Variants in UGT2A1 observed in about 807,000 individuals in gnomAD.
UGT2A1 encodes the protein UDP-glucuronosyltransferase 2A1.
UGT2A1 carries 61 observed loss-of-function variants against 45.4 expected under a neutral mutation model. That is an observed-to-expected ratio of 1.34 (90% CI 1.09 to 1.66). The LOEUF (loss-of-function observed/expected upper bound fraction) is 1.66. UGT2A1 is among the 40% of genes most tolerant of loss of function. The pLI, the probability that UGT2A1 is intolerant of heterozygous loss-of-function variation, is 0.00. For synonymous variants in UGT2A1, 229 were observed against 196.2 expected (o/e 1.17, Z -1.40); for missense variants, 649 against 574.3 (o/e 1.13, Z -1.33).
chr4:69,648,198 T>G (rs1307178928), intron 1 of UGT2A1, among the ~76,000 whole-genome samples: 4 of 149,514 alleles, frequency 2.7e-5, no homozygotes, highest in African/African-American at 4.9e-5. Flanking sequence ...TAAATATTTA[T>G]AAATTCAAAT....
chr4:69,638,611 A>G (rs1721855760), intron 2 of UGT2A1, among the ~76,000 whole-genome samples: 1 of 152,162 alleles, frequency 6.6e-6, no homozygotes, highest in African/African-American at 2.4e-5. Context: ...GTATCCTAAT[A>G]TGGGCACTTT....
intron 3 of UGT2A1, among the ~76,000 whole-genome samples, chr4:69,619,043 A>G (rs1269604497): frequency 6.6e-6 from 1 of 151,880 alleles, no homozygotes; most frequent in East Asian, 1.9e-4. Context: ...ATGTATATAC[A>G]TTTGTAAATG....
intron 4 of UGT2A1, 48 bp downstream of exon 4, chr4:69,599,198 A>G (rs771965385): frequency 6.5e-7 from 1 of 1,546,880 alleles, no homozygotes; most frequent in Non-Finnish European, 8.7e-7. Context: ...AAGAAAATTA[A>G]GTATTTTATT....
chr4:69,599,610 A>T (rs1719141853), intron 3 of UGT2A1: 1 of 573,286 alleles, frequency 1.7e-6, no homozygotes. Context: ...GAAGGGAGGA[A>T]GGGAGGAAGG....
intron 3 of UGT2A1, among the ~76,000 whole-genome samples, chr4:69,627,281 C>A (rs1721114203): frequency 6.6e-6 from 1 of 151,660 alleles, no homozygotes; most frequent in South Asian, 2.1e-4. Context: ...TAAAAAAAAT[C>A]AAATCCACTG....
intron 5 of UGT2A1, 80 bp from the exon 6 acceptor site, chr4:69,594,776 G>C: frequency 6.8e-7 from 1 of 1,472,536 alleles, no homozygotes; most frequent in Non-Finnish European, 9.2e-7. Context: ...GGGTCAAAAA[G>C]CTGTAATGTA....
chr4:69,624,374 GCA>G (rs1164373196), intron 3 of UGT2A1, among the ~76,000 whole-genome samples: 2 of 151,004 alleles, frequency 1.3e-5, no homozygotes, highest in African/African-American at 4.9e-5. Context: ...TCTTAAGATA[GCA>G]CAGAGTTTAG....
At position 69,602,958 on chromosome 4, in the gene UGT2A1, C is replaced by T. The variant is rs1268852768; in HGVS notation, c.848-3564G>A. Among the ~76,000 whole-genome samples, 5 of 135,432 alleles carry T rather than the reference C, an allele frequency of 3.7e-5. 1 individual carries two copies. The highest frequency in any genetic ancestry group is 7.8e-5 in the Non-Finnish European group (5 of 63,962). 88.8% of individuals were successfully genotyped at this position (135,432 alleles called of 152,430 possible). On this transcript the variant is annotated intron_variant, in intron 3 of 6. Coordinates refer to ENST00000286604, the MANE Select transcript of UGT2A1 (RefSeq NM_001252275.3). ...TGGCAGGTGCCTGTAATCCCAGATA[C>T]TCTAGAGGCTGAGGCAGAGAATTGC...
chr4:69,652,452 T>C (rs2109986575), intron 1 of UGT2A1, among the ~76,000 whole-genome samples: 1 of 151,964 alleles, frequency 6.6e-6, no homozygotes, highest in East Asian at 1.9e-4. Context: ...CCTGTCTAAT[T>C]TTTGTATATT....
chr4:69,652,150 G>C (rs1650507092), intron 1 of UGT2A1, among the ~76,000 whole-genome samples: 1 of 150,306 alleles, frequency 6.7e-6, no homozygotes, highest in South Asian at 2.2e-4. Context: ...GACCTGTAAG[G>C]ATTCGCCACT....
At chr4:69,609,750 C>A (rs11249451) in intron 3 of UGT2A1, among the ~76,000 whole-genome samples, 21,791 of 151,980 alleles carry the variant, frequency 0.14, 1,754 homozygotes, top group Non-Finnish European at 0.18. Flanking sequence ...CCTGTAAATA[C>A]AATTGTTCTT....
At chr4:69,607,674 A>G (rs1719736621) in intron 3 of UGT2A1, among the ~76,000 whole-genome samples, 1 of 152,230 alleles carries the variant, frequency 6.6e-6, no homozygotes, top group Non-Finnish European at 1.5e-5. Flanking sequence ...TACTCATCTG[A>G]CAAAGGGCTA....
chr4:69,611,340 A>T (rs1720037568), intron 3 of UGT2A1, among the ~76,000 whole-genome samples: 1 of 136,268 alleles, frequency 7.3e-6, no homozygotes, highest in Non-Finnish European at 1.6e-5. Flanking sequence ...AAAGTCAGAA[A>T]CAACAAAATA....
chr4:69,613,706 C>T (rs1216068445), intron 3 of UGT2A1, among the ~76,000 whole-genome samples: 1 of 151,954 alleles, frequency 6.6e-6, no homozygotes, highest in Non-Finnish European at 1.5e-5. Context: ...ATCTTATCAA[C>T]AGTACCAGGA....
intron 1 of UGT2A1, among the ~76,000 whole-genome samples, chr4:69,651,962 A>G (rs1388376125): frequency 6.6e-6 from 1 of 152,218 alleles, no homozygotes; most frequent in African/African-American, 2.4e-5. Flanking sequence ...ATCGAGGTTA[A>G]ACGGGGCACT....
chr4:69,645,523 A>C (rs1483324673), intron 2 of UGT2A1, among the ~76,000 whole-genome samples: 1 of 151,700 alleles, frequency 6.6e-6, no homozygotes, highest in Non-Finnish European at 1.5e-5. Flanking sequence ...TTGTGTTGCT[A>C]GGTAGTCTCA....
intron 3 of UGT2A1, among the ~76,000 whole-genome samples, chr4:69,629,758 C>G (rs1348245701): frequency 6.6e-6 from 1 of 152,060 alleles, no homozygotes; most frequent in Non-Finnish European, 1.5e-5. Flanking sequence ...GGTCTTTTCT[C>G]TCTCCTTATT....
intron 3 of UGT2A1, among the ~76,000 whole-genome samples, chr4:69,630,557 A>G (rs1259323796): frequency 1.3e-5 from 2 of 152,154 alleles, no homozygotes; most frequent in Non-Finnish European, 2.9e-5. Flanking sequence ...TGTGAATATC[A>G]ATACTCCTCC....
intron 6 of UGT2A1, among the ~76,000 whole-genome samples, chr4:69,593,309 G>A (rs192961586): frequency 9.3e-4 from 133 of 143,214 alleles, no homozygotes; most frequent in African/African-American, 3.4e-3. Context: ...CAGAGTAAAT[G>A]TGAGAAAAAA....
Sources: allele counts gnomAD v4.1 joint callset (sites outside exome capture counted in the v4.1 genomes callset), GRCh38; gene constraint gnomAD v4.1.1; transcripts MANE v1.5; gene names NCBI Gene and HGNC (gene_info 2026-07-23, HGNC 2026-07-21).